Variants in KIF5C observed in about 807,000 individuals in gnomAD.
The protein encoded by KIF5C is kinesin family member 5C.
A neutral mutation model predicts 125.2 loss-of-function variants in KIF5C; 18 were observed. The ratio of observed to expected loss-of-function variants is 0.14; its 90% CI spans 0.10 to 0.21. KIF5C has a LOEUF of 0.21. KIF5C is among the 10% of genes least tolerant of loss of function. The probability of loss-of-function intolerance (pLI) is 1.00; values close to 1 mark genes in which losing one functional copy is unlikely to be tolerated. For synonymous variants in KIF5C, 405 were observed against 434.0 expected, an observed-to-expected ratio of 0.93 and a Z score of 0.83; for missense variants, 780 against 1,183.8, an observed-to-expected ratio of 0.66 and a Z score of 5.01.
rs748355867 is a variant in KIF5C at position 149,015,775 on chromosome 2, T to G, written c.*7+4092T>G. On this transcript the variant is annotated intron_variant, in intron 25 of 25. Coordinates refer to ENST00000435030, the MANE Select transcript of KIF5C (RefSeq NM_004522.3). ...TGTGACATTGGGCAAGTTACTTGAT[T>G]TCTGTCAGCTTTAGGTTTCCTACCG... Among the ~76,000 whole-genome samples the G allele has an allele frequency of 2.2e-4, 33 of 152,188 alleles. 1 individual carries two copies. The highest frequency in any genetic ancestry group is 3.9e-4 in the Admixed American group (6 of 15,280).
chr2:148,964,660 A>T (rs1683008040), intron 11 of KIF5C, among the ~76,000 whole-genome samples: 1 of 152,154 alleles, frequency 6.6e-6, no homozygotes, highest in Admixed American at 6.5e-5. Context: ...TATGCAATGT[A>T]GAGATTAGTA....
At chr2:148,990,449 A>G (rs528270463) in intron 15 of KIF5C, among the ~76,000 whole-genome samples, 1 of 152,360 alleles carries the variant, frequency 6.6e-6, no homozygotes, top group South Asian at 2.1e-4. Flanking sequence ...GGTAATTCAT[A>G]GTACATTCTT....
intron 6 of KIF5C, among the ~76,000 whole-genome samples, chr2:148,942,211 G>A (rs575065922): frequency 1.3e-5 from 2 of 152,260 alleles, no homozygotes; most frequent in East Asian, 1.9e-4. Context: ...CACATTTAAA[G>A]AGATTTTGAT....
In KIF5C at chr2:149,000,487, G is replaced by T; in HGVS notation, c.2275G>T (p.Glu759Ter). Residue 759 changes from glutamate to a stop codon, truncating the protein, a stop_gained, in exon 20 of 26, where the codon GAG (glutamate) becomes TAG (stop). Transcript: ENST00000435030. LOFTEE classifies it high-confidence loss of function. Reference protein sequence around the residue: ...LSSDYNKLKIEDQEREMKLEK... With the variant: ...LSSDYNKLKI Reference sequence around the variant, plus strand: ...TTCTGATTATAACAAGCTGAAAATAGAGGACCAAGAGAGAGAAATGAAGCT... The same window carrying T: ...TTCTGATTATAACAAGCTGAAAATATAGGACCAAGAGAGAGAAATGAAGCT... The T allele has an allele frequency of 6.4e-7, 1 of 1,573,812 alleles. No homozygotes were observed. Among genetic ancestry groups the T allele is most frequent in the East Asian group, 2.3e-5 (1 of 43,786 alleles).
chr2:148,996,215 G>A (rs918982514), intron 17 of KIF5C, among the ~76,000 whole-genome samples: 3 of 152,198 alleles, frequency 2.0e-5, no homozygotes, highest in African/African-American at 4.8e-5. Flanking sequence ...AAAAGTGGTT[G>A]TGATAGGGTA....
rs76211042 is a variant in KIF5C at position 148,902,230 on chromosome 2, C to G, written c.127-19907C>G. ...AGTGCCCCTCGTGTTCCTGGATTCTCTCTTCTGTGGTTCCATTTCTTTGAG... is the reference window on the plus strand; with the variant it reads ...AGTGCCCCTCGTGTTCCTGGATTCTGTCTTCTGTGGTTCCATTTCTTTGAG... On this transcript the variant is annotated intron_variant, in intron 1 of 25. Coordinates refer to ENST00000435030, the MANE Select transcript of KIF5C (RefSeq NM_004522.3). Among the ~76,000 whole-genome samples, 18 of 152,336 alleles carry G rather than the reference C, an allele frequency of 1.2e-4. 1 individual carries two copies. The highest frequency in any genetic ancestry group is 6.8e-3 in the Middle Eastern group (2 of 294).
At chr2:148,965,291 G>A (rs992859765) in intron 11 of KIF5C, among the ~76,000 whole-genome samples, 1 of 152,096 alleles carries the variant, frequency 6.6e-6, no homozygotes, top group African/African-American at 2.4e-5. Context: ...ATAGGTAGGT[G>A]TGAGGGCCCT....
chr2:148,885,930 C>T (rs1485543223), intron 1 of KIF5C: 2 of 152,122 alleles, frequency 1.3e-5, no homozygotes, highest in African/African-American at 4.8e-5. Flanking sequence ...CTGGTCTCTC[C>T]CATTTCCAGG....
Position 149,005,373 on chromosome 2 carries a change from C to A in KIF5C, c.2374-20C>A, listed in dbSNP as rs1287180164. The A allele has an allele frequency of 6.2e-7, 1 of 1,611,526 alleles. No homozygotes were observed. Among genetic ancestry groups the A allele is most frequent in the Non-Finnish European group, 8.5e-7 (1 of 1,178,830 alleles). On this transcript the variant is annotated intron_variant, in intron 21 of 25. Transcript: ENST00000435030. ...TCAGTGAATTGCTGCACTTAAGTGG[C>A]CTTTAAAAATCTCTTCCAGTCTAGA... is the stretch of plus-strand genomic sequence containing the variant.
intron 25 of KIF5C, among the ~76,000 whole-genome samples, chr2:149,014,872 A>G (rs1280056128): frequency 6.6e-6 from 1 of 152,180 alleles, no homozygotes; most frequent in Non-Finnish European, 1.5e-5. Context: ...AGTTGTTGCT[A>G]TGAACTGACA....
intron 9 of KIF5C, 123 bp from the exon 10 acceptor site, chr2:148,950,191 C>T: frequency 1.4e-6 from 2 of 1,456,872 alleles, no homozygotes; most frequent in South Asian, 2.9e-5. Flanking sequence ...GATCCAAAGA[C>T]CCAGCCACAA....
chr2:148,998,208 C>A, intron 18 of KIF5C, 192 bp from the exon 19 acceptor site: 2 of 898,956 alleles, frequency 2.2e-6, no homozygotes, highest in Non-Finnish European at 3.3e-6. Context: ...GGTTTGATAA[C>A]AGATCTTGGG....
Position 148,969,682 on chromosome 2 carries a change from T to C in KIF5C, c.1118-3654T>C, listed in dbSNP as rs555770528. 1.6e-4 allele frequency among the ~76,000 whole-genome samples: 25 copies of C among 152,262 alleles called. No individual in the cohort carries two copies. The East Asian group carries it at 4.6e-3, about 28-fold the overall frequency. On this transcript the variant is annotated intron_variant, in intron 11 of 25. Coordinates refer to ENST00000435030, the MANE Select transcript of KIF5C (RefSeq NM_004522.3). ...CTCTAGGGTCTGTTTGCAGCTGTCTTCCTTGTTAGAATCAGTTATTCCATA... is the reference window on the plus strand; with the variant it reads ...CTCTAGGGTCTGTTTGCAGCTGTCTCCCTTGTTAGAATCAGTTATTCCATA...
intron 1 of KIF5C, among the ~76,000 whole-genome samples, chr2:148,890,455 T>A (rs1241979346): frequency 1.3e-5 from 2 of 151,768 alleles, no homozygotes; most frequent in African/African-American, 4.8e-5. Context: ...TAGCTATGAT[T>A]GCACCACTGC....
At chr2:148,921,685 G>A (rs781189824) in intron 1 of KIF5C, among the ~76,000 whole-genome samples, 1 of 152,126 alleles carries the variant, frequency 6.6e-6, no homozygotes. Context: ...CATTCCCTCT[G>A]TCCCACTGTT....
At chr2:148,976,370 A>T (rs963368122) in intron 12 of KIF5C, among the ~76,000 whole-genome samples, 1 of 151,766 alleles carries the variant, frequency 6.6e-6, no homozygotes, top group African/African-American at 2.4e-5. Context: ...CCTGGGTTCA[A>T]GCAATTCTCC....
chr2:148,971,753 G>A lies in KIF5C; in HGVS notation c.1118-1583G>A, dbSNP rs184596932. The stretch of plus-strand genomic sequence containing the variant: ...ATTTTACTTAACACGGAGGCCCCAT[G>A]TAGTATTTTGTGGTTATGCAGTGAG... On this transcript the variant is annotated intron_variant, in intron 11 of 25. Transcript: ENST00000435030. Among the ~76,000 whole-genome samples, 1,187 of 152,284 alleles carry A rather than the reference G, an allele frequency of 7.8e-3. 4 individuals are homozygous for A. The highest frequency in any genetic ancestry group is 0.013 in the Non-Finnish European group (900 of 68,028).
In KIF5C at chr2:148,949,886, T is replaced by C. The variant is rs1682617743; in HGVS notation, c.762T>C (p.Asn254=). 3.1e-6 allele frequency: 5 copies of C among 1,613,876 alleles called. No individual in the cohort carries two copies. Among genetic ancestry groups the C allele is most frequent in the African/African-American group, 1.3e-5 (1 of 75,048 alleles). The change falls in exon 9 of 26, where the codon AAT becomes AAC. Residue 254 remains asparagine (N), a synonymous_variant. Coordinates refer to ENST00000435030, the MANE Select transcript of KIF5C (RefSeq NM_004522.3). ...GAGCTGTTCTTGACGAAGCTAAAAA[T>C]ATCAATAAGTCTTTGTCTGCTCTTG... The part of the protein sequence containing the change: ...AEGAVLDEAK[N]INKSLSALGN...
chr2:148,929,964 T>C (rs1331310185), intron 3 of KIF5C, among the ~76,000 whole-genome samples: 1 of 152,238 alleles, frequency 6.6e-6, no homozygotes, highest in Non-Finnish European at 1.5e-5. Flanking sequence ...TTCACTTCAT[T>C]GTCCTGTTCA....
Sources: allele counts gnomAD v4.1 joint callset (sites outside exome capture counted in the v4.1 genomes callset), GRCh38; gene constraint gnomAD v4.1.1; transcripts MANE v1.5; gene names NCBI Gene and HGNC (gene_info 2026-07-23, HGNC 2026-07-21).